The following CMIP variants were observed in gnomAD, a reference collection of about 807,000 sequenced individuals.
CMIP encodes the protein C-Maf-inducing protein.
CMIP carries 13 observed loss-of-function variants against 97.3 expected under a neutral mutation model. That is an observed-to-expected ratio of 0.13 (90% CI 0.09 to 0.21). The LOEUF (loss-of-function observed/expected upper bound fraction) is 0.21, where lower values mean the gene tolerates loss of function less well. Among genes scored for constraint, CMIP ranks in the 10% least tolerant of loss-of-function variants. The pLI is 1.00. For synonymous variants in CMIP, 538 were observed against 436.3 expected (o/e 1.23, Z -2.91); for missense variants, 847 against 1,024.9 (o/e 0.83, Z 2.37).
intron 1 of CMIP, among the ~76,000 whole-genome samples, chr16:81,590,280 C>G (rs2091447153): frequency 6.6e-6 from 1 of 152,178 alleles, no homozygotes; most frequent in African/African-American, 2.4e-5. Flanking sequence ...GTCTCAACCT[C>G]TTTTCCTGGT....
rs558414190 is a variant in CMIP at position 81,669,147 on chromosome 16, C to G, written c.826-995C>G. On this transcript the variant is annotated intron_variant, in intron 7 of 20. Transcript: ENST00000537098. The stretch of plus-strand genomic sequence containing the variant: ...ACCTCCTTCCACACCCACTTCATAC[C>G]TCCTTCCACACCCCTCTCACCTCCT... Among the ~76,000 whole-genome samples the G allele has an allele frequency of 2.0e-3, 235 of 117,658 alleles. 5 individuals carry two copies. Among genetic ancestry groups the G allele is most frequent in the African/African-American group, 7.3e-3 (217 of 29,834 alleles). The allele number at this position is 117,658 out of a possible 152,430, so 77.2% of individuals were successfully genotyped here. A position where few individuals can be genotyped will look rare whatever the true frequency, so the allele number is the denominator to read the frequency against.
chr16:81,459,380 C>G (rs1023540861), intron 1 of CMIP, among the ~76,000 whole-genome samples: 1 of 152,042 alleles, frequency 6.6e-6, no homozygotes, highest in African/African-American at 2.4e-5. Context: ...GACCCCGTGC[C>G]GTGACCCTGC....
chr16:81,657,770 T>G lies in CMIP; in HGVS notation c.640-5T>G. 6.2e-7 allele frequency: 1 copy of G among 1,605,348 alleles called. No homozygotes were observed. Among genetic ancestry groups the G allele is most frequent in the Non-Finnish European group, 8.5e-7 (1 of 1,176,046 alleles). ...TCCTCCTGCTGTCTCCATTCAATCC[T>G]TTAGAACACAAACTTGACCACCCAG... On this transcript the variant is annotated splice_region_variant and splice_polypyrimidine_tract_variant and intron_variant, in intron 4 of 20. Coordinates refer to ENST00000537098, the MANE Select transcript of CMIP (RefSeq NM_198390.3).
intron 1 of CMIP, among the ~76,000 whole-genome samples, chr16:81,474,790 G>A (rs1907789360): frequency 6.6e-6 from 1 of 152,230 alleles, no homozygotes; most frequent in African/African-American, 2.4e-5. Context: ...CTTGGTGCCA[G>A]GGGAGCCAGC....
At chr16:81,487,117 G>T (rs1292974884) in intron 1 of CMIP, among the ~76,000 whole-genome samples, 1 of 152,140 alleles carries the variant, frequency 6.6e-6, no homozygotes, top group Non-Finnish European at 1.5e-5. Context: ...TGGTCATGGG[G>T]GGCCCTGAGA....
In CMIP at chr16:81,704,052, T is replaced by G; in HGVS notation, c.2058T>G (p.Pro686=). 1 of 1,605,460 alleles carries G rather than the reference T, an allele frequency of 6.2e-7. No individual in the cohort carries two copies. Among genetic ancestry groups the G allele is most frequent in the Non-Finnish European group, 8.5e-7 (1 of 1,176,650 alleles). The change falls in exon 18 of 21, where the codon CCT becomes CCG. Residue 686 remains proline, a synonymous_variant. Coordinates refer to ENST00000537098, the MANE Select transcript of CMIP (RefSeq NM_198390.3). ...GCGCCGAGCACCTCATCAAACTGCC[T>G]TCGCTCAAGCAGCTGAACCTGTGGT... ...SACAEHLIKL[P]SLKQLNLWST...
At chr16:81,685,249 C>T (rs1905260134) in intron 10 of CMIP, among the ~76,000 whole-genome samples, 1 of 152,196 alleles carries the variant, frequency 6.6e-6, no homozygotes, top group Non-Finnish European at 1.5e-5. Flanking sequence ...GTGGGAGCTG[C>T]CAGGAAGCGG....
At chr16:81,653,673 T>G (rs890695732) in intron 4 of CMIP, among the ~76,000 whole-genome samples, 11 of 152,310 alleles carry the variant, frequency 7.2e-5, no homozygotes, top group Non-Finnish European at 1.0e-4. Flanking sequence ...TGGAGTGCAG[T>G]GGCGTGACGG....
intron 10 of CMIP, among the ~76,000 whole-genome samples, chr16:81,683,756 C>CTTTTTTTTTTTTTTTTTTTTTTTTTT (rs71272426): frequency 2.6e-4 from 21 of 81,610 alleles, no homozygotes; most frequent in South Asian, 4.5e-4. Flanking sequence ...TTTTCTTTTT[C>CTTTTTTTTTTTTTTTTTTTTTTTTTT]TTTTTTTTTT....
chr16:81,445,729 C>T (rs1431921062), intron 1 of CMIP, among the ~76,000 whole-genome samples, 188 bp downstream of exon 1: 1 of 152,114 alleles, frequency 6.6e-6, no homozygotes, highest in Non-Finnish European at 1.5e-5. Flanking sequence ...GAGTCTGAAG[C>T]CCAAACCAGC....
At chr16:81,594,205 A>G (rs750505263) in intron 1 of CMIP, among the ~76,000 whole-genome samples, 14 of 147,650 alleles carry the variant, frequency 9.5e-5, no homozygotes, top group South Asian at 2.2e-4. Context: ...GCAACCTCCA[A>G]CTCCTGGGTT....
chr16:81,559,241 T>G (rs2090829304), intron 1 of CMIP, among the ~76,000 whole-genome samples: 1 of 152,200 alleles, frequency 6.6e-6, no homozygotes, highest in Admixed American at 6.5e-5. Flanking sequence ...GAACATGGCC[T>G]AGGTGGGCTT....
intron 20 of CMIP, 100 bp downstream of exon 20, chr16:81,707,184 A>T (rs1908245939): frequency 4.3e-6 from 4 of 936,258 alleles, no homozygotes; most frequent in Admixed American, 1.8e-5. Flanking sequence ...CCAGTAAAGG[A>T]TGATGACATC....
At chr16:81,615,759 G>T (rs2091909545) in intron 2 of CMIP, among the ~76,000 whole-genome samples, 1 of 151,958 alleles carries the variant, frequency 6.6e-6, no homozygotes, top group Non-Finnish European at 1.5e-5. Context: ...TGGTGTATGT[G>T]TCTTTGTGTG....
chr16:81,559,925 A>G (rs969002356), intron 1 of CMIP, among the ~76,000 whole-genome samples: 5 of 152,024 alleles, frequency 3.3e-5, no homozygotes, highest in East Asian at 1.9e-4. Context: ...AGGCAGGTAG[A>G]TCATCTGAGG....
chr16:81,664,798 C>A, intron 7 of CMIP: 9 of 295,062 alleles, frequency 3.1e-5, no homozygotes, highest in East Asian at 5.5e-5. Flanking sequence ...TGATCAAGGT[C>A]AACATCGACA....
chr16:81,522,100 T>C (rs886216342), intron 1 of CMIP, among the ~76,000 whole-genome samples: 2 of 152,230 alleles, frequency 1.3e-5, no homozygotes, highest in African/African-American at 2.4e-5. Context: ...TTGATAAGGC[T>C]GCCACTGCCT....
chr16:81,678,695 G>T, intron 10 of CMIP, 67 bp downstream of exon 10: 4 of 746,190 alleles, frequency 5.4e-6, no homozygotes, highest in Non-Finnish European at 8.9e-6. Context: ...GCTGCTGGGT[G>T]CGGCTGTGTT....
chr16:81,477,905 A>G (rs1597461830), intron 1 of CMIP, among the ~76,000 whole-genome samples: 1 of 152,214 alleles, frequency 6.6e-6, no homozygotes, highest in Admixed American at 6.5e-5. Context: ...AGGGGAGTGG[A>G]AAAGGACTTC....
Sources: allele counts gnomAD v4.1 joint callset (sites outside exome capture counted in the v4.1 genomes callset), GRCh38; gene constraint gnomAD v4.1.1; transcripts MANE v1.5; gene names NCBI Gene and HGNC (gene_info 2026-07-23, HGNC 2026-07-21).